Variants in DMD observed in about 807,000 individuals in gnomAD.
DMD encodes dystrophin, also known as mutant dystrophin.
In DMD, 63 loss-of-function variants were observed where a neutral mutation model predicts 330.1. That is an observed-to-expected ratio of 0.19 (90% CI 0.16 to 0.24). The LOEUF is 0.24. DMD is among the 10% of genes least tolerant of loss of function. The pLI, the probability that DMD is intolerant of heterozygous loss-of-function variation, is 1.00. For missense variants in DMD, 3,344 were observed against 2,684.1 expected (o/e 1.25, Z -5.43); for synonymous variants, 1,223 against 959.8 (o/e 1.27, Z -5.07).
At chrX:33,212,816 T>C (rs1324637015), upstream of DMD, among the ~76,000 whole-genome samples, 2 of 111,766 alleles carry the variant, frequency 1.8e-5, no homozygotes, top group Admixed American at 1.9e-4. Context: ...AGTGTGGTTG[T>C]CTAAATATGC....
At chrX:32,591,672 C>T (rs967333906) in intron 13 of DMD, among the ~76,000 whole-genome samples, 1 of 112,324 alleles carries the variant, frequency 8.9e-6, no homozygotes, top group African/African-American at 3.2e-5. Context: ...GGGCTGTGCA[C>T]TGTGTGGAGC....
At chrX:32,096,470 A>C (rs911421092) in intron 44 of DMD, among the ~76,000 whole-genome samples, 10 of 111,541 alleles carry the variant, frequency 9.0e-5, no homozygotes, top group African/African-American at 2.3e-4. Context: ...ATTACCAACA[A>C]AAAACGGGAG....
intron 43 of DMD, among the ~76,000 whole-genome samples, chrX:32,260,700 C>G (rs1293752396): frequency 9.8e-6 from 1 of 102,362 alleles, no homozygotes; most frequent in Non-Finnish European, 2.1e-5. Context: ...GCCACAGTTG[C>G]CTTCTTTTCC....
At chrX:32,804,545 A>G (rs2076814470) in intron 7 of DMD, among the ~76,000 whole-genome samples, 1 of 112,610 alleles carries the variant, frequency 8.9e-6, no homozygotes, top group South Asian at 3.7e-4. Flanking sequence ...CTGTGGGTGC[A>G]GCATCAGCAG....
intron 55 of DMD, among the ~76,000 whole-genome samples, chrX:31,525,580 A>C (rs928996718): frequency 8.9e-6 from 1 of 112,216 alleles, no homozygotes; most frequent in Non-Finnish European, 1.9e-5. Context: ...AATTCTCATC[A>C]AATAGTTACT....
At chrX:31,664,850 T>G (rs1385384310) in intron 53 of DMD, among the ~76,000 whole-genome samples, 1 of 109,961 alleles carries the variant, frequency 9.1e-6, no homozygotes. Flanking sequence ...GTAATGCAAA[T>G]AGAACCTCAT....
intron 44 of DMD, among the ~76,000 whole-genome samples, chrX:32,157,702 G>A (rs190688729): frequency 8.9e-5 from 10 of 111,774 alleles, no homozygotes; most frequent in Non-Finnish European, 1.7e-4. Context: ...ATAAATAATC[G>A]ATACAATTTG....
At chrX:32,649,609 T>TA (rs1255407691) in intron 9 of DMD, among the ~76,000 whole-genome samples, 6 of 73,456 alleles carry the variant, frequency 8.2e-5, no homozygotes, top group Admixed American at 2.7e-4. Context: ...AGGAGAAAGG[T>TA]AAAAAAATCA....
chrX:32,915,164 T>C (rs1340843472), intron 2 of DMD, among the ~76,000 whole-genome samples: 1 of 111,958 alleles, frequency 8.9e-6, no homozygotes, highest in East Asian at 2.8e-4. Flanking sequence ...CATGGGAAGA[T>C]GGCATGAGGA....
At chrX:31,329,699 G>A (rs1365164044) in intron 61 of DMD, among the ~76,000 whole-genome samples, 1 of 110,329 alleles carries the variant, frequency 9.1e-6, no homozygotes, top group Non-Finnish European at 1.9e-5. Flanking sequence ...TCGGCCGGGC[G>A]CGGTGGCTCA....
In DMD at chrX:32,472,267, C is replaced by T. The variant is rs1057522383; in HGVS notation, c.2846G>A (p.Ser949Asn). Reference sequence around the variant, plus strand: ...CTGCTGGACCCATGTCCTGATGGCACTCATGGTCTCCTGATAGCGCATTGG... The same window carrying T: ...CTGCTGGACCCATGTCCTGATGGCATTCATGGTCTCCTGATAGCGCATTGG... ...LPPMRYQETMSAIRTWVQQSE... is the reference protein window; with the variant it reads ...LPPMRYQETMNAIRTWVQQSE... The change falls in exon 22 of 79, where the codon AGT becomes AAT. Residue 949 changes from serine to asparagine, a missense_variant. Ser to Asn is a conservative substitution (Grantham distance 46, BLOSUM62 1). Coordinates refer to ENST00000357033, the MANE Select transcript of DMD (RefSeq NM_004006.3). 1 of 1,211,050 alleles carries T rather than the reference C, an allele frequency of 8.3e-7. No individual in the cohort carries two copies. The highest frequency in any genetic ancestry group is 1.1e-6 in the Non-Finnish European group (1 of 895,136).
At chrX:31,703,670 T>C (rs2083975748) in intron 52 of DMD, among the ~76,000 whole-genome samples, 1 of 111,958 alleles carries the variant, frequency 8.9e-6, no homozygotes, top group East Asian at 2.8e-4. Flanking sequence ...AACACATACA[T>C]TTAGTCAATG....
At chrX:32,598,466 T>C (rs1352950927) in intron 12 of DMD, among the ~76,000 whole-genome samples, 1 of 112,058 alleles carries the variant, frequency 8.9e-6, no homozygotes, top group Non-Finnish European at 1.9e-5. Context: ...CAGTGTATCA[T>C]AAGTTGGTTT....
At position 31,474,320 on chromosome X, in the gene DMD, A is replaced by G. The variant is rs149164061; in HGVS notation, c.8937+3786T>C. On this transcript the variant is annotated intron_variant, in intron 59 of 78. Transcript: ENST00000357033. ...CACATATTACTTAGTTTCTTGAATA[A>G]CAAGTTATTTAACACATAAGATCAG... 8.0e-3 allele frequency among the ~76,000 whole-genome samples: 895 copies of G among 111,504 alleles called. 8 individuals are homozygous for G. Among genetic ancestry groups the G allele is most frequent in the African/African-American group, 0.028 (843 of 30,618 alleles).
rs1828030875 is a variant in DMD, at chrX:31,929,622, T to C, written c.6886A>G (p.Lys2296Glu). Residue 2296 changes from lysine to glutamate, a missense_variant, in exon 47 of 79, where the codon AAG (lysine) becomes GAG (glutamate). Physicochemically the swap from Lys to Glu is moderately conservative, Grantham distance 56. Coordinates refer to ENST00000357033, the MANE Select transcript of DMD (RefSeq NM_004006.3). Reference sequence around the variant, plus strand: ...TTTATCCACTGGAGATTTGTCTGCTTGAGCTTATTTTCAAGTTTATCTTGC... The same window carrying C: ...TTTATCCACTGGAGATTTGTCTGCTCGAGCTTATTTTCAAGTTTATCTTGC... ...EEQDKLENKLKQTNLQWIKVS... is the reference protein window; with the variant it reads ...EEQDKLENKLEQTNLQWIKVS... 2 of 1,211,300 alleles carry C rather than the reference T, an allele frequency of 1.7e-6. No homozygotes were observed. The highest frequency in any genetic ancestry group is 2.2e-6 in the Non-Finnish European group (2 of 895,386).
intron 21 of DMD, among the ~76,000 whole-genome samples, chrX:32,476,875 T>C (rs2041293220): frequency 9.0e-6 from 1 of 111,140 alleles, no homozygotes; most frequent in African/African-American, 3.3e-5. Context: ...TTTTTTTCCT[T>C]TTATGTAGAA....
At chrX:32,803,963 A>G (rs2076772886) in intron 7 of DMD, among the ~76,000 whole-genome samples, 2 of 111,975 alleles carry the variant, frequency 1.8e-5, no homozygotes, top group African/African-American at 6.5e-5. Flanking sequence ...GTAGATGTCT[A>G]TTAGGTCTGC....
intron 44 of DMD, among the ~76,000 whole-genome samples, chrX:32,096,616 G>GCATAACATA (rs1378661434): frequency 1.8e-5 from 2 of 109,461 alleles, no homozygotes; most frequent in Admixed American, 2.0e-4. Context: ...ACGGGCCTGA[G>GCATAACATA]CATAACATAA....
intron 62 of DMD, among the ~76,000 whole-genome samples, chrX:31,269,084 T>C (rs1244313179): frequency 1.8e-5 from 2 of 111,954 alleles, no homozygotes; most frequent in Non-Finnish European, 3.8e-5. Context: ...ACTGGAGTTA[T>C]AGGCACTTGA....
Sources: allele counts gnomAD v4.1 joint callset (sites outside exome capture counted in the v4.1 genomes callset), GRCh38; gene constraint gnomAD v4.1.1; transcripts MANE v1.5; gene names NCBI Gene and HGNC (gene_info 2026-07-23, HGNC 2026-07-21).